ZMYND8: variants seen among roughly 807,000 people sequenced by gnomAD.
The protein encoded by ZMYND8 is MYND-type zinc finger-containing chromatin reader ZMYND8.
A neutral mutation model predicts 140.8 loss-of-function variants in ZMYND8; 37 were observed. The ratio of observed to expected loss-of-function variants is 0.26; its 90% CI spans 0.20 to 0.35. The LOEUF (loss-of-function observed/expected upper bound fraction) is 0.35. Ranked by LOEUF, ZMYND8 falls within the 10% of genes least tolerant of loss-of-function variation. ZMYND8 has a pLI of 1.00. For synonymous variants in ZMYND8, 592 were observed against 597.1 expected (o/e 0.99, Z 0.12); for missense variants, 1,068 against 1,570.0 (o/e 0.68, Z 5.40).
intron 2 of ZMYND8, among the ~76,000 whole-genome samples, chr20:47,317,215 G>A (rs1301750422): frequency 3.3e-5 from 5 of 152,222 alleles, no homozygotes; most frequent in Non-Finnish European, 7.3e-5. Context: ...GGAAAGTCGT[G>A]TCATTCACTG....
intron 1 of ZMYND8, chr20:47,356,231 C>T: frequency 1.3e-6 from 1 of 774,150 alleles, no homozygotes; most frequent in Non-Finnish European, 1.8e-6. Context: ...CATTTTCTTC[C>T]CCCAGCAGGG....
intron 12 of ZMYND8, among the ~76,000 whole-genome samples, chr20:47,255,015 G>A (rs1337485564): frequency 3.3e-5 from 5 of 152,110 alleles, no homozygotes; most frequent in East Asian, 1.9e-4. Context: ...GTAGTGGCGC[G>A]CGCCTGTAAT....
rs34117259 is a variant in ZMYND8, at chr20:47,310,170, T to C, written c.120A>G (p.Arg40=). ...AAGAATGTGGAGGGCTGGGGAACTT[T>C]CTTTTCTGGGCTGTTCTCTCTGCAG... ...PGSAERTAQK[R]KFPSPPHSSN... Residue 40 remains arginine, a synonymous_variant, in exon 3 of 23, where the codon AGA becomes AGG. Coordinates refer to ENST00000471951, the MANE Select transcript of ZMYND8 (RefSeq NM_001281775.3). The C allele has an allele frequency of 9.9e-5, 159 of 1,612,446 alleles. No individual in the cohort carries two copies. The African/African-American group carries it at 1.5e-3, about 15-fold the overall frequency.
intron 1 of ZMYND8, 38 bp downstream of exon 1, chr20:47,356,619 G>A: frequency 6.2e-7 from 1 of 1,614,142 alleles, no homozygotes; most frequent in Non-Finnish European, 8.5e-7. Flanking sequence ...ATGTCTCAGA[G>A]GGAGGGGGAA....
At chr20:47,274,265 C>A (rs547156244) in intron 11 of ZMYND8, among the ~76,000 whole-genome samples, 65 of 152,212 alleles carry the variant, frequency 4.3e-4, no homozygotes, top group African/African-American at 1.5e-3. Context: ...GTATTAATTT[C>A]ACATATATTA....
intron 11 of ZMYND8, among the ~76,000 whole-genome samples, chr20:47,268,529 G>A (rs541111658): frequency 6.6e-6 from 1 of 151,270 alleles, no homozygotes; most frequent in Middle Eastern, 3.4e-3. Context: ...TCCTGACCTC[G>A]TGATCCGCCC....
chr20:47,294,890 C>A, intron 4 of ZMYND8, 111 bp from the exon 5 acceptor site: 1 of 938,216 alleles, frequency 1.1e-6, no homozygotes, highest in South Asian at 1.5e-5. Context: ...ATTCTCATCC[C>A]AATGAGACTT....
At chr20:47,352,727 GC>G in intron 1 of ZMYND8, 1 of 178,544 alleles carries the variant, frequency 5.6e-6, no homozygotes, top group Non-Finnish European at 1.1e-5. Flanking sequence ...CGGGCCACTG[GC>G]CCCCGCCGGC....
At chr20:47,323,745 A>T (rs1166521927) in intron 2 of ZMYND8, among the ~76,000 whole-genome samples, 2 of 151,748 alleles carry the variant, frequency 1.3e-5, no homozygotes, top group African/African-American at 4.8e-5. Flanking sequence ...ACCTCCACTG[A>T]CCTTCCCCCA....
At chr20:47,305,282 T>C (rs150543249) in intron 3 of ZMYND8, among the ~76,000 whole-genome samples, 4,710 of 151,330 alleles carry the variant, frequency 0.031, 146 homozygotes, top group South Asian at 0.11. Context: ...AGTCTCGCTC[T>C]GTCACCCAGG....
intron 10 of ZMYND8, among the ~76,000 whole-genome samples, chr20:47,278,550 A>G (rs56819659): frequency 0.13 from 19,194 of 152,132 alleles, 1,333 homozygotes; most frequent in South Asian, 0.28. Flanking sequence ...AAGAGAAAAC[A>G]ACCCAGGAGA....
At chr20:47,343,204 G>A (rs1261989400) in intron 2 of ZMYND8, among the ~76,000 whole-genome samples, 2 of 152,130 alleles carry the variant, frequency 1.3e-5, no homozygotes, top group East Asian at 1.9e-4. Flanking sequence ...AGGACTGCTT[G>A]AGTCCAGCAG....
At chr20:47,288,469 C>T (rs1182249212) in intron 7 of ZMYND8, among the ~76,000 whole-genome samples, 1 of 150,038 alleles carries the variant, frequency 6.7e-6, no homozygotes. Flanking sequence ...TCTCAGCTCA[C>T]TGCAACCTCT....
At chr20:47,288,691 C>G (rs2077072416) in intron 7 of ZMYND8, among the ~76,000 whole-genome samples, 1 of 152,186 alleles carries the variant, frequency 6.6e-6, no homozygotes, top group Admixed American at 6.5e-5. Context: ...CTGCACCTGA[C>G]CCACACATTC....
At position 47,276,307 on chromosome 20, in the gene ZMYND8, A is replaced by T. The variant is rs763823897; in HGVS notation, c.1480+7T>A. On this transcript the variant is annotated splice_region_variant and intron_variant, in intron 11 of 22. Transcript: ENST00000471951. ...GCCTCCTCCCCGCTCCCCCGCACGG[A>T]GCTGACCTGTGCTCTTATCCAGGAA... The T allele has an allele frequency of 3.2e-6, 5 of 1,545,994 alleles. No homozygotes were observed. Among genetic ancestry groups the T allele is most frequent in the Non-Finnish European group, 4.4e-6 (5 of 1,144,538 alleles).
chr20:47,235,766 C>T (rs2039157640), intron 16 of ZMYND8, among the ~76,000 whole-genome samples: 1 of 151,754 alleles, frequency 6.6e-6, no homozygotes, highest in Admixed American at 6.6e-5. Context: ...TGTGCTGAGA[C>T]AGTTCCCATG....
chr20:47,334,728 GC>G (rs1245008552), intron 2 of ZMYND8, among the ~76,000 whole-genome samples: 1 of 151,680 alleles, frequency 6.6e-6, no homozygotes, highest in Non-Finnish European at 1.5e-5. Flanking sequence ...TCCCGCCTCA[GC>G]CTGCTGAGTA....
At chr20:47,326,672 C>G (rs1439300033) in intron 2 of ZMYND8, among the ~76,000 whole-genome samples, 1 of 152,126 alleles carries the variant, frequency 6.6e-6, no homozygotes, top group Non-Finnish European at 1.5e-5. Flanking sequence ...AAGCAGGGAT[C>G]AGATACAGGT....
chr20:47,334,625 T>C (rs2081247191), intron 2 of ZMYND8, among the ~76,000 whole-genome samples: 1 of 149,818 alleles, frequency 6.7e-6, no homozygotes, highest in Admixed American at 6.7e-5. Context: ...TATATATATA[T>C]ATTTTAGGCA....
Sources: gnomAD v4.1 joint callset for allele counts (sites outside exome capture counted in the v4.1 genomes callset) on GRCh38, gnomAD v4.1.1 for gene constraint, MANE v1.5 for transcripts, NCBI Gene and HGNC (gene_info 2026-07-23, HGNC 2026-07-21) for gene names.